Variants in NEO1 observed in about 807,000 individuals in gnomAD.
NEO1 encodes the protein neogenin 1, also known as neogenin.
Under a neutral mutation model 159.7 loss-of-function variants are expected in NEO1, and 63 were observed. The ratio of observed to expected loss-of-function variants is 0.39; its 90% confidence interval spans 0.32 to 0.49. The LOEUF is 0.49. Ranked by LOEUF, NEO1 falls within the 20% of genes least tolerant of loss-of-function variation. The probability of loss-of-function intolerance (pLI) is 0.85; values close to 1 mark genes in which losing one functional copy is unlikely to be tolerated. For missense variants in NEO1, 1,615 were observed against 1,831.0 expected (o/e 0.88, Z 2.15); for synonymous variants, 633 against 662.0 (o/e 0.96, Z 0.67).
intron 9 of NEO1, among the ~76,000 whole-genome samples, chr15:73,247,196 G>A (rs1284254178): frequency 6.6e-6 from 1 of 152,158 alleles, no homozygotes; most frequent in Non-Finnish European, 1.5e-5. Flanking sequence ...GAGAGATTTG[G>A]ATTTCATCTG....
chr15:73,130,470 G>A (rs1359965370), intron 4 of NEO1, among the ~76,000 whole-genome samples: 1 of 152,152 alleles, frequency 6.6e-6, no homozygotes, highest in Non-Finnish European at 1.5e-5. Flanking sequence ...CAGGAAAAGA[G>A]CATCTCAGCA....
At chr15:73,140,670 A>G (rs2032293495) in intron 5 of NEO1, among the ~76,000 whole-genome samples, 1 of 152,228 alleles carries the variant, frequency 6.6e-6, no homozygotes, top group Admixed American at 6.5e-5. Flanking sequence ...ACCATGCACA[A>G]TAATGTTCTT....
rs2039953127 is a variant in NEO1, at chr15:73,249,279, T to C, written c.1755+71T>C. ...GTTGAAATATATTTCCAAAACTCAG[T>C]AGTTGCTTGACTGGAAATGTGAGGG... On this transcript the variant is annotated intron_variant, in intron 10 of 28. Transcript: ENST00000261908. 4.7e-6 allele frequency: 7 copies of C among 1,504,272 alleles called. No individual in the cohort carries two copies. The East Asian group carries it at 1.1e-4, about 25-fold the overall frequency. The allele number at this position is 1,504,272 out of a possible 1,614,324, so 93.2% of individuals were successfully genotyped here.
chr15:73,150,671 C>T (rs1228640576), intron 5 of NEO1, among the ~76,000 whole-genome samples: 1 of 151,806 alleles, frequency 6.6e-6, no homozygotes, highest in East Asian at 1.9e-4. Flanking sequence ...GTGTAATGCA[C>T]AAATCTTAGA....
At chr15:73,112,981 GAT>G (rs1567220029) in intron 1 of NEO1, among the ~76,000 whole-genome samples, 1 of 151,956 alleles carries the variant, frequency 6.6e-6, no homozygotes, top group African/African-American at 2.4e-5. Flanking sequence ...TTCCTCAATC[GAT>G]TTAAAATGTC....
chr15:73,069,440 A>G (rs956712967), intron 1 of NEO1, among the ~76,000 whole-genome samples: 1 of 151,710 alleles, frequency 6.6e-6, no homozygotes, highest in Non-Finnish European at 1.5e-5. Context: ...AGAGAGAAAC[A>G]GTGTTTGATC....
At chr15:73,203,429 A>T (rs1274052943) in intron 7 of NEO1, among the ~76,000 whole-genome samples, 1 of 152,126 alleles carries the variant, frequency 6.6e-6, no homozygotes, top group Non-Finnish European at 1.5e-5. Context: ...AATCCCTGTC[A>T]CTTAATAGGT....
chr15:73,287,871 T>TCGGAAAAAC (rs1296431674), intron 23 of NEO1, among the ~76,000 whole-genome samples: 3 of 138,498 alleles, frequency 2.2e-5, no homozygotes, highest in African/African-American at 7.9e-5. Flanking sequence ...CGAGCAAAAC[T>TCGGAAAAAC]CCATCTCAAA....
At chr15:73,258,553 A>C (rs1453263306) in intron 13 of NEO1, among the ~76,000 whole-genome samples, 1 of 152,078 alleles carries the variant, frequency 6.6e-6, no homozygotes, top group Non-Finnish European at 1.5e-5. Flanking sequence ...TTTTCCTCTT[A>C]GATTGTGTGG....
In NEO1 at chr15:73,236,441, T is replaced by G. The variant is rs757756084; in HGVS notation, c.1386T>G (p.Pro462=). Residue 462 remains proline (P), a synonymous_variant, in exon 8 of 29, where the codon CCT becomes CCG. Coordinates refer to ENST00000261908, the MANE Select transcript of NEO1 (RefSeq NM_002499.4). ...TCATCAAATTGACGTGGCGGACACC[T>G]GCATCAGATCCTCACGGAGACAACC... The part of the protein sequence containing the change: ...TRFIKLTWRT[P]ASDPHGDNLT... The G allele has an allele frequency of 6.2e-7, 1 of 1,614,178 alleles. No individual in the cohort carries two copies.
chr15:73,162,612 G>C (rs1404981807), intron 5 of NEO1: 3 of 153,836 alleles, frequency 2.0e-5, no homozygotes, highest in Non-Finnish European at 4.3e-5. Flanking sequence ...TGGCCAGGCT[G>C]GTCTCGAACC....
At chr15:73,170,060 C>G (rs7176908) in intron 5 of NEO1, among the ~76,000 whole-genome samples, 1 of 151,736 alleles carries the variant, frequency 6.6e-6, no homozygotes, top group South Asian at 2.1e-4. Context: ...ATGAAACAGG[C>G]GACTCCAAAG....
chr15:73,249,579 C>G lies in NEO1; in HGVS notation c.1756-4C>G. 6.3e-7 allele frequency: 1 copy of G among 1,592,556 alleles called. No individual in the cohort carries two copies. The highest frequency in any genetic ancestry group is 8.5e-7 in the Non-Finnish European group (1 of 1,173,398). ...TATGTATAAAGTGTTTTATTTTATT[C>G]AAGGATGTTGATGTTTCAAGTCACT... On this transcript the variant is annotated splice_polypyrimidine_tract_variant and splice_region_variant and intron_variant, in intron 10 of 28. Coordinates refer to ENST00000261908, the MANE Select transcript of NEO1 (RefSeq NM_002499.4).
chr15:73,116,709 A>G lies in NEO1; in HGVS notation c.300A>G (p.Arg100=). The change falls in exon 2 of 29, where the codon CGA becomes CGG. Residue 100 remains arginine (R), a synonymous_variant. Coordinates refer to ENST00000261908, the MANE Select transcript of NEO1 (RefSeq NM_002499.4). ...TTTTAAACTTAGTATCAGATGATCG[A>G]CGCCAGCTTCTCCCGGATGGATCTT... is the stretch of plus-strand genomic sequence containing the variant. The part of the protein sequence containing the change: ...GTFLNLVSDD[R]RQLLPDGSLF... 6.2e-7 allele frequency: 1 copy of G among 1,613,980 alleles called. No individual in the cohort carries two copies. The highest frequency in any genetic ancestry group is 8.5e-7 in the Non-Finnish European group (1 of 1,179,926).
chr15:73,229,449 T>G (rs180749257), intron 7 of NEO1, among the ~76,000 whole-genome samples: 15 of 144,136 alleles, frequency 1.0e-4, no homozygotes, highest in African/African-American at 2.4e-4. Context: ...TTAGTTTTAG[T>G]TGTTTTTTTT....
intron 7 of NEO1, among the ~76,000 whole-genome samples, chr15:73,212,521 G>A (rs928572189): frequency 1.3e-5 from 2 of 152,020 alleles, no homozygotes; most frequent in African/African-American, 2.4e-5. Flanking sequence ...TGAAGTGGTG[G>A]ACCCAGAAAT....
intron 7 of NEO1, among the ~76,000 whole-genome samples, chr15:73,234,954 G>T (rs1367672118): frequency 6.6e-6 from 1 of 152,170 alleles, no homozygotes; most frequent in Non-Finnish European, 1.5e-5. Flanking sequence ...GATAATGATT[G>T]TACCTATTTT....
chr15:73,066,599 A>G (rs919573819), intron 1 of NEO1, among the ~76,000 whole-genome samples: 3 of 152,088 alleles, frequency 2.0e-5, no homozygotes, highest in Non-Finnish European at 4.4e-5. Context: ...GGAGGTACTA[A>G]CAGTCTCCTA....
At chr15:73,095,136 G>A (rs980440054) in intron 1 of NEO1, among the ~76,000 whole-genome samples, 2 of 151,890 alleles carry the variant, frequency 1.3e-5, no homozygotes, top group Middle Eastern at 3.2e-3. Flanking sequence ...TTGAACCCAG[G>A]AGGCAGAGGT....
Sources: allele counts gnomAD v4.1 joint callset (sites outside exome capture counted in the v4.1 genomes callset), GRCh38; gene constraint gnomAD v4.1.1; transcripts MANE v1.5; gene names NCBI Gene and HGNC (gene_info 2026-07-23, HGNC 2026-07-21).